Variants in SLC9B1 observed in about 807,000 individuals in gnomAD.
SLC9B1 encodes the protein sodium/hydrogen exchanger 9B1.
In SLC9B1, 32 loss-of-function variants were observed where a neutral mutation model predicts 51.7. That is an observed-to-expected ratio of 0.62 (90% CI 0.47 to 0.83). The LOEUF (loss-of-function observed/expected upper bound fraction) is 0.83. Among genes scored for constraint, SLC9B1 ranks in the 40% least tolerant of loss-of-function variants. The pLI is 0.00. For synonymous variants in SLC9B1, 145 were observed against 212.7 expected, an observed-to-expected ratio of 0.68 and a Z score of 2.77; for missense variants, 406 against 613.2, an observed-to-expected ratio of 0.66 and a Z score of 3.57.
At chr4:103,015,323 G>A (rs907230158) in intron 1 of SLC9B1, among the ~76,000 whole-genome samples, 4 of 147,302 alleles carry the variant, frequency 2.7e-5, no homozygotes, top group African/African-American at 1.0e-4. Flanking sequence ...TTTTTTTAAT[G>A]TTGACCAGAA....
intron 3 of SLC9B1, among the ~76,000 whole-genome samples, chr4:102,955,721 A>T (rs369573571): frequency 2.0e-5 from 3 of 152,066 alleles, no homozygotes; most frequent in Non-Finnish European, 2.9e-5. Context: ...ACCATGGCAC[A>T]TGTATACCTG....
intron 3 of SLC9B1, among the ~76,000 whole-genome samples, chr4:102,961,386 G>T (rs538023203): frequency 6.6e-6 from 1 of 152,260 alleles, no homozygotes; most frequent in South Asian, 2.1e-4. Context: ...ACATACTTCA[G>T]ATCTGTCTCA....
At chr4:102,999,559 T>C (rs1366683910) in intron 1 of SLC9B1, among the ~76,000 whole-genome samples, 1 of 152,244 alleles carries the variant, frequency 6.6e-6, no homozygotes, top group African/African-American at 2.4e-5. Flanking sequence ...TGGTTCACAA[T>C]TTTTATTGAA....
intron 6 of SLC9B1, among the ~76,000 whole-genome samples, chr4:102,933,596 C>G (rs1383361037): frequency 6.6e-6 from 1 of 152,092 alleles, no homozygotes; most frequent in Non-Finnish European, 1.5e-5. Flanking sequence ...TTAAGATTTC[C>G]CATGAGGTAG....
chr4:103,015,281 C>CAA (rs201798527), intron 1 of SLC9B1, among the ~76,000 whole-genome samples: 14 of 67,822 alleles, frequency 2.1e-4, no homozygotes, highest in South Asian at 4.5e-4. Context: ...ATGTATGGAC[C>CAA]AAAAAAAAAA....
intron 1 of SLC9B1, among the ~76,000 whole-genome samples, chr4:103,018,119 A>T (rs1399946754): frequency 6.6e-6 from 1 of 152,230 alleles, no homozygotes; most frequent in Non-Finnish European, 1.5e-5. Flanking sequence ...CCACAGTAAC[A>T]TGGGATTTGG....
At chr4:102,974,240 T>TAAAAAAAA (rs1402190390) in intron 3 of SLC9B1, among the ~76,000 whole-genome samples, 1 of 76,276 alleles carries the variant, frequency 1.3e-5, no homozygotes, top group Non-Finnish European at 2.4e-5. Context: ...CTGTCTAAAA[T>TAAAAAAAA]TGAAAAAAAA....
chr4:103,018,540 C>T (rs951353855), intron 1 of SLC9B1, among the ~76,000 whole-genome samples: 2 of 152,258 alleles, frequency 1.3e-5, no homozygotes, highest in Non-Finnish European at 2.9e-5. Context: ...CTGTTGCACA[C>T]ATAATTATAT....
At chr4:102,935,175 C>T (rs1736658014) in intron 6 of SLC9B1, among the ~76,000 whole-genome samples, 1 of 151,764 alleles carries the variant, frequency 6.6e-6, no homozygotes, top group Non-Finnish European at 1.5e-5. Flanking sequence ...AAAAAATGGA[C>T]AAAGGATATG....
At chr4:102,960,377 T>C (rs1329342507) in intron 3 of SLC9B1, among the ~76,000 whole-genome samples, 2 of 152,052 alleles carry the variant, frequency 1.3e-5, no homozygotes, top group Admixed American at 6.5e-5. Context: ...GGCTATGGAG[T>C]AATTAATCTC....
At chr4:103,009,398 A>G (rs1740975750) in intron 1 of SLC9B1, among the ~76,000 whole-genome samples, 1 of 152,228 alleles carries the variant, frequency 6.6e-6, no homozygotes, top group Non-Finnish European at 1.5e-5. Flanking sequence ...TTTACTTTGT[A>G]GCCCAGCTAA....
chr4:102,915,727 C>T (rs1735547244), intron 7 of SLC9B1, among the ~76,000 whole-genome samples: 1 of 151,996 alleles, frequency 6.6e-6, no homozygotes, highest in African/African-American at 2.4e-5. Context: ...AAAGTAAAAG[C>T]ATAACATTAC....
At chr4:102,910,656 A>G (rs1735295447) in intron 8 of SLC9B1, 68 bp from the exon 9 acceptor site, 18 of 751,582 alleles carry the variant, frequency 2.4e-5, no homozygotes, top group Middle Eastern at 4.8e-4. Flanking sequence ...GACATTATCT[A>G]TTATATATTT....
At chr4:102,966,624 C>T (rs566293730) in intron 3 of SLC9B1, among the ~76,000 whole-genome samples, 1 of 152,320 alleles carries the variant, frequency 6.6e-6, no homozygotes, top group South Asian at 2.1e-4. Flanking sequence ...TGCATGGATT[C>T]TGTCTCTTAA....
In SLC9B1 at chr4:102,919,749, A is replaced by T. The variant is rs190757948; in HGVS notation, c.830-8212T>A. Among the ~76,000 whole-genome samples the T allele has an allele frequency of 3.3e-5, 5 of 152,134 alleles. No individual in the cohort carries two copies. The East Asian group carries it at 9.7e-4, about 29-fold the overall frequency. ...GTCTTAGCAACTAGCAGACAAGATG[A>T]TTCTCTCCCGTGCCTGGCTCAGCGG... On this transcript the variant is annotated intron_variant, in intron 7 of 11. Coordinates refer to ENST00000296422, the MANE Select transcript of SLC9B1 (RefSeq NM_139173.4).
chr4:102,951,365 G>T (rs1333541558), intron 3 of SLC9B1, among the ~76,000 whole-genome samples: 1 of 152,088 alleles, frequency 6.6e-6, no homozygotes, highest in African/African-American at 2.4e-5. Flanking sequence ...AAAATAAGAA[G>T]AAATATCCCA....
At chr4:102,962,175 T>C (rs1738172322) in intron 3 of SLC9B1, 14 of 501,882 alleles carry the variant, frequency 2.8e-5, no homozygotes, top group Non-Finnish European at 5.2e-5. Flanking sequence ...TAGTTTACTA[T>C]TCTTTCTTGC....
At chr4:102,933,012 G>T (rs774453577) in intron 6 of SLC9B1, among the ~76,000 whole-genome samples, 3 of 152,182 alleles carry the variant, frequency 2.0e-5, no homozygotes, top group Non-Finnish European at 4.4e-5. Context: ...CTCCTGCTCC[G>T]AATACCTTCT....
At chr4:102,937,535 G>T (rs1025848628) in intron 6 of SLC9B1, among the ~76,000 whole-genome samples, 2 of 149,786 alleles carry the variant, frequency 1.3e-5, no homozygotes, top group African/African-American at 4.9e-5. Flanking sequence ...GACCATCCTG[G>T]CCAACACGGT....
Sources: gnomAD v4.1 joint callset for allele counts (sites outside exome capture counted in the v4.1 genomes callset) on GRCh38, gnomAD v4.1.1 for gene constraint, MANE v1.5 for transcripts, NCBI Gene and HGNC (gene_info 2026-07-23, HGNC 2026-07-21) for gene names.